Variants in GLIS2 observed in about 807,000 individuals in gnomAD.
The protein encoded by GLIS2 is GLIS family zinc finger 2, also known as zinc finger protein GLIS2.
GLIS2 carries 14 observed loss-of-function variants against 35.6 expected under a neutral mutation model. The ratio of observed to expected loss-of-function variants is 0.39; its 90% CI spans 0.26 to 0.61. The LOEUF (loss-of-function observed/expected upper bound fraction) is 0.61, where lower values mean the gene tolerates loss of function less well. Among genes scored for constraint, GLIS2 ranks in the 20% least tolerant of loss-of-function variants. The pLI is 0.48. For synonymous variants in GLIS2, 368 were observed against 325.1 expected (o/e 1.13, Z -1.42); for missense variants, 675 against 713.4 (o/e 0.95, Z 0.61).
Position 4,339,556 on chromosome 16 carries a change from AG to A in GLIS2, c.*2034del, listed in dbSNP as rs2053603298. 1 of 152,424 alleles carries A rather than the reference AG, an allele frequency of 6.6e-6. No homozygotes were observed. Among genetic ancestry groups the A allele is most frequent in the Non-Finnish European group, 1.5e-5 (1 of 68,028 alleles). The allele number at this position is 152,424 out of a possible 1,614,324, so 9.4% of individuals were successfully genotyped here. On this transcript the variant is annotated 3_prime_UTR_variant, in exon 7 of 7. Transcript: ENST00000433375. ...ATAACAATATATTCCTCCATGGGAGAGGAAGTTTATAAAGAAACAATAAAAG... is the reference window on the plus strand; with the variant it reads ...ATAACAATATATTCCTCCATGGGAGAGAAGTTTATAAAGAAACAATAAAAG...
chr16:4,335,527 G>A lies in GLIS2; in HGVS notation c.775+134G>A. The A allele has an allele frequency of 5.1e-6, 4 of 791,956 alleles. No individual in the cohort carries two copies. Among genetic ancestry groups the A allele is most frequent in the Non-Finnish European group, 8.2e-6 (4 of 485,118 alleles). The allele number at this position is 791,956 out of a possible 1,614,324, so 49.1% of individuals were successfully genotyped here. A position where few individuals can be genotyped will look rare whatever the true frequency, so the allele number is the denominator to read the frequency against. On this transcript the variant is annotated intron_variant, in intron 6 of 6. Transcript: ENST00000433375. This position sits in a 1 kb window ranked among gnomAD's most constrained non-coding sequence, Gnocchi z 4.6. ...AGATAAGGGTTGATGTCATCGCCCA[G>A]GGGTCCCTTTTCCAATGCAGTTTGC...
In GLIS2 at chr16:4,335,411, G is replaced by A; in HGVS notation, c.775+18G>A. The A allele has an allele frequency of 1.2e-6, 2 of 1,611,934 alleles. No individual in the cohort carries two copies. Among genetic ancestry groups the A allele is most frequent in the East Asian group, 2.2e-5 (1 of 44,886 alleles). On this transcript the variant is annotated intron_variant, in intron 6 of 6. Transcript: ENST00000433375. The surrounding 1 kb of genome is among the most constrained non-coding windows in gnomAD (Gnocchi z 4.6). Reference sequence around the variant, plus strand: ...GCACACAGGTAAGAGGCCGGGGCCGGGCGGCTTGGCCCATGAAGGGGGCGC... The same window carrying A: ...GCACACAGGTAAGAGGCCGGGGCCGAGCGGCTTGGCCCATGAAGGGGGCGC...
chr16:4,316,523 AGCAGCGCCCGGGCCCGGGGCGG>A (rs1028630717), intron 1 of GLIS2, among the ~76,000 whole-genome samples: 6 of 150,450 alleles, frequency 4.0e-5, no homozygotes, highest in African/African-American at 1.5e-4. Context: ...GGCCGGGCCG[AGCAGCGCCCGGGCCCGGGGCGG>A]GCGCAAACTT....
In GLIS2 at chr16:4,335,025, C is replaced by T. The variant is rs1233384484; in HGVS notation, c.523-35C>T. 17 of 1,613,270 alleles carry T rather than the reference C, an allele frequency of 1.1e-5. No homozygotes were observed. Among genetic ancestry groups the T allele is most frequent in the Non-Finnish European group, 1.4e-5 (17 of 1,180,028 alleles). On this transcript the variant is annotated intron_variant, in intron 4 of 6. Coordinates refer to ENST00000433375, the MANE Select transcript of GLIS2 (RefSeq NM_032575.3). This position sits in a 1 kb window ranked among gnomAD's most constrained non-coding sequence, Gnocchi z 4.6. ...AGTGTGGAGTCTGGGGCAGGTCACC[C>T]CGCATGGGCTCAGAACACTTCCCAT... is the stretch of plus-strand genomic sequence containing the variant.
chr16:4,335,423 C>T lies in GLIS2; in HGVS notation c.775+30C>T, dbSNP rs1276094795. On this transcript the variant is annotated intron_variant, in intron 6 of 6. Coordinates refer to ENST00000433375, the MANE Select transcript of GLIS2 (RefSeq NM_032575.3). This position sits in a 1 kb window ranked among gnomAD's most constrained non-coding sequence, Gnocchi z 4.6. ...GAGGCCGGGGCCGGGCGGCTTGGCC[C>T]ATGAAGGGGGCGCTCAGCTGAGACC... The T allele has an allele frequency of 6.2e-7, 1 of 1,603,538 alleles. No homozygotes were observed. The highest frequency in any genetic ancestry group is 8.5e-7 in the Non-Finnish European group (1 of 1,171,688).
At chr16:4,329,308 G>T (rs1395035890) in intron 1 of GLIS2, 1 of 152,194 alleles carries the variant, frequency 6.6e-6, no homozygotes, top group Non-Finnish European at 1.5e-5. Flanking sequence ...CTGCTAGCGG[G>T]GGTGTGGTCC....
Position 4,337,090 on chromosome 16 carries a change from C to T in GLIS2, c.1141C>T (p.Leu381Phe), listed in dbSNP as rs2053562168. The T allele has an allele frequency of 6.5e-7, 1 of 1,536,752 alleles. No individual in the cohort carries two copies. The highest frequency in any genetic ancestry group is 8.7e-7 in the Non-Finnish European group (1 of 1,146,544). ...PLPLAPGPLD[L>F]SALACGNGGG... ...ACCCCTGGCCCCCGGCCCCCTTGAC[C>T]TCAGTGCCCTGGCCTGTGGCAACGG... The change falls in exon 7 of 7, where the codon CTC becomes TTC. Residue 381 changes from leucine (L) to phenylalanine (F), a missense_variant. Around this residue, in one of 3 missense-constraint regions of GLIS2, gnomAD observed 317 missense variants for 283.2 expected, o/e 1.12. Coordinates refer to ENST00000433375, the MANE Select transcript of GLIS2 (RefSeq NM_032575.3).
At chr16:4,328,632 C>A (rs987817252) in intron 1 of GLIS2, among the ~76,000 whole-genome samples, 3 of 152,210 alleles carry the variant, frequency 2.0e-5, no homozygotes, top group African/African-American at 7.2e-5. Flanking sequence ...TGGAATGAAC[C>A]CCTGCCTCCC....
chr16:4,335,797 A>C lies in GLIS2; in HGVS notation c.775+404A>C, dbSNP rs2053544564. The C allele has an allele frequency of 4.0e-6, 1 of 248,016 alleles. No individual in the cohort carries two copies. Among genetic ancestry groups the C allele is most frequent in the African/African-American group, 2.2e-5 (1 of 45,288 alleles). 15.4% of individuals were successfully genotyped at this position (248,016 alleles called of 1,614,324 possible). A position where few individuals can be genotyped will look rare whatever the true frequency, so the allele number is the denominator to read the frequency against. On this transcript the variant is annotated intron_variant, in intron 6 of 6. Transcript: ENST00000433375. This position sits in a 1 kb window ranked among gnomAD's most constrained non-coding sequence, Gnocchi z 4.6. ...AAACACAGCAAAAATAAATGGGTGAAATTAATTGTAATATGGTTCGTTGAC... is the reference window on the plus strand; with the variant it reads ...AAACACAGCAAAAATAAATGGGTGACATTAATTGTAATATGGTTCGTTGAC...
chr16:4,315,078 G>A (rs2053292579), upstream of GLIS2: 1 of 152,228 alleles, frequency 6.6e-6, no homozygotes, highest in Non-Finnish European at 1.5e-5. Context: ...CGCCGCGCAG[G>A]GTGCTGATGT....
At chr16:4,336,215 T>C (rs968855777) in intron 6 of GLIS2, 41 of 267,878 alleles carry the variant, frequency 1.5e-4, no homozygotes, top group Non-Finnish European at 2.6e-4. Flanking sequence ...GGCATGATCT[T>C]GGCCCACTGC....
At position 4,334,927 on chromosome 16, in the gene GLIS2, C is replaced by T. The variant is rs745979080; in HGVS notation, c.472C>T (p.Leu158Phe). 2 of 1,613,204 alleles carry T rather than the reference C, an allele frequency of 1.2e-6. No homozygotes were observed. The highest frequency in any genetic ancestry group is 4.5e-5 in the East Asian group (2 of 44,880). ...CCTTACCCCTCCCAAGGACAAGTGC[C>T]TCTCGCCAGACCTGCCCCTGCCCAA... ...SFLTPPKDKC[L>F]SPDLPLPKQL... Residue 158 changes from leucine to phenylalanine, a missense_variant, in exon 4 of 7, where the codon CTC (leucine) becomes TTC (phenylalanine). By Grantham distance (22) the Leu-to-Phe change is conservative. Transcript: ENST00000433375.
At chr16:4,315,267 C>T (rs1286778345), upstream of GLIS2, 1 of 152,250 alleles carries the variant, frequency 6.6e-6, no homozygotes, top group Non-Finnish European at 1.5e-5. Context: ...CGCCGTCTCA[C>T]CAGCGTGAGG....
rs1182873331 is a variant in GLIS2 at position 4,335,654 on chromosome 16, CCT to C, written c.775+264_775+265del. On this transcript the variant is annotated intron_variant, in intron 6 of 6. Transcript: ENST00000433375. The surrounding 1 kb of genome is among the most constrained non-coding windows in gnomAD (Gnocchi z 4.6). Reference sequence around the variant, plus strand: ...CGTGGGTATCTTCTGACTAATGCCACCTCTGTGATCGCAGAGGCCAGGTCGGC... The same window carrying C: ...CGTGGGTATCTTCTGACTAATGCCACCTGTGATCGCAGAGGCCAGGTCGGC... Among the ~76,000 whole-genome samples the C allele has an allele frequency of 1.3e-5, 2 of 152,232 alleles. No homozygotes were observed. The highest frequency in any genetic ancestry group is 2.9e-5 in the Non-Finnish European group (2 of 68,040).
At chr16:4,325,929 TAAAAAA>T (rs58290393) in intron 1 of GLIS2, among the ~76,000 whole-genome samples, 4 of 40,120 alleles carry the variant, frequency 1.0e-4, no homozygotes, top group Non-Finnish European at 1.8e-4. Flanking sequence ...CTCTGTGTCT[TAAAAAA>T]AAAAAAAAAA....
At chr16:4,323,645 G>A (rs184079315) in intron 1 of GLIS2, among the ~76,000 whole-genome samples, 1 of 152,126 alleles carries the variant, frequency 6.6e-6, no homozygotes, top group African/African-American at 2.4e-5. Context: ...CTCTGGTGGG[G>A]CATCTCCTAG....
upstream of GLIS2, chr16:4,315,183 A>AT (rs1315942373): frequency 1.3e-5 from 2 of 152,168 alleles, no homozygotes; most frequent in African/African-American, 4.8e-5. Flanking sequence ...GGAAGCTCGG[A>AT]TTGCTCGGCA....
chr16:4,338,987 C>T lies in GLIS2; in HGVS notation c.*1463C>T, dbSNP rs1353456242. On this transcript the variant is annotated 3_prime_UTR_variant, in exon 7 of 7. Transcript: ENST00000433375. Reference sequence around the variant, plus strand: ...CCCATCTGTAAAACGAGGCAGCTGCCCGGACAGCCTTGGGGTCCTTAGTGG... The same window carrying T: ...CCCATCTGTAAAACGAGGCAGCTGCTCGGACAGCCTTGGGGTCCTTAGTGG... 1 of 152,392 alleles carries T rather than the reference C, an allele frequency of 6.6e-6. No homozygotes were observed. Among genetic ancestry groups the T allele is most frequent in the Non-Finnish European group, 1.5e-5 (1 of 68,166 alleles). 9.4% of individuals were successfully genotyped at this position (152,392 alleles called of 1,614,324 possible).
intron 1 of GLIS2, chr16:4,325,150 C>T (rs1387864377): frequency 6.6e-6 from 1 of 152,352 alleles, no homozygotes; most frequent in Non-Finnish European, 1.5e-5. Context: ...CCTCCAGCGC[C>T]CACCCACTGC....
Sources: gnomAD v4.1 joint callset for allele counts (sites outside exome capture counted in the v4.1 genomes callset) on GRCh38, gnomAD v4.1.1 for gene constraint, gnomAD v4.1.1 regional missense constraint, Gnocchi (gnomAD v3.1) non-coding constraint, MANE v1.5 for transcripts, NCBI Gene and HGNC (gene_info 2026-07-23, HGNC 2026-07-21) for gene names.